Variants in DOCK4 observed in about 807,000 individuals in gnomAD.
DOCK4 encodes the protein dedicator of cytokinesis 4, also known as dedicator of cytokinesis protein 4.
In DOCK4, 97 loss-of-function variants were observed where a neutral mutation model predicts 268.1. The observed-to-expected ratio is 0.36, with a 90% confidence interval of 0.31 to 0.43. The LOEUF is 0.43. Among genes scored for constraint, DOCK4 ranks in the 20% least tolerant of loss-of-function variants. The pLI is 1.00. For missense variants in DOCK4, 2,145 were observed against 2,455.7 expected, an observed-to-expected ratio of 0.87 and a Z score of 2.67; for synonymous variants, 954 against 887.2, an observed-to-expected ratio of 1.08 and a Z score of -1.34.
At chr7:112,082,390 G>A (rs1046321191) in intron 1 of DOCK4, among the ~76,000 whole-genome samples, 3 of 152,090 alleles carry the variant, frequency 2.0e-5, no homozygotes, top group African/African-American at 7.2e-5. Context: ...TCACAGGAAA[G>A]CCAGAGAAAA....
rs564671787 is a variant in DOCK4, at chr7:111,905,679, A to ATGTG, written c.1193-3879_1193-3878insCACA. On this transcript the variant is annotated intron_variant, in intron 13 of 52. Coordinates refer to ENST00000428084, the MANE Select transcript of DOCK4 (RefSeq NM_001363540.2). ...CTTTATCTATTTTTTATATATATGC[A>ATGTG]TGTATGTGTGTGTGTGTGTGTGTGT... Among the ~76,000 whole-genome samples, 470 of 115,344 alleles carry ATGTG rather than the reference A, an allele frequency of 4.1e-3. 2 individuals carry two copies. Among genetic ancestry groups the ATGTG allele is most frequent in the African/African-American group, 0.018 (444 of 24,324 alleles). The allele number at this position is 115,344 out of a possible 152,430, so 75.7% of individuals were successfully genotyped here.
At chr7:112,095,302 C>G (rs754885936) in intron 1 of DOCK4, among the ~76,000 whole-genome samples, 4 of 151,940 alleles carry the variant, frequency 2.6e-5, no homozygotes, top group Non-Finnish European at 5.9e-5. Flanking sequence ...AAAATAAAAG[C>G]CTTAAGAGGG....
chr7:111,822,548 C>A, intron 26 of DOCK4, 92 bp from the exon 27 acceptor site: 1 of 1,112,082 alleles, frequency 9.0e-7, no homozygotes, highest in Non-Finnish European at 1.3e-6. Context: ...TGTACTGTTA[C>A]CATTTCCAAA....
chr7:111,970,605 T>C (rs554994449), intron 8 of DOCK4, among the ~76,000 whole-genome samples: 12 of 152,300 alleles, frequency 7.9e-5, no homozygotes, highest in Middle Eastern at 3.4e-3. Context: ...CTAAGAACAA[T>C]TGGCTCATGT....
intron 8 of DOCK4, among the ~76,000 whole-genome samples, chr7:111,951,871 A>T (rs768575830): frequency 6.6e-6 from 1 of 152,056 alleles, no homozygotes; most frequent in Admixed American, 6.5e-5. Flanking sequence ...TTGTCTCAAA[A>T]AAAAGAAAGA....
At chr7:112,007,004 T>C (rs1015294040) in intron 1 of DOCK4, among the ~76,000 whole-genome samples, 5 of 152,198 alleles carry the variant, frequency 3.3e-5, no homozygotes, top group Admixed American at 2.6e-4. Context: ...ATTTAGGGGG[T>C]TGCCTTCTTC....
At chr7:112,041,824 G>A (rs1038352144) in intron 1 of DOCK4, among the ~76,000 whole-genome samples, 2 of 152,164 alleles carry the variant, frequency 1.3e-5, no homozygotes, top group African/African-American at 4.8e-5. Context: ...GTGATTCTAT[G>A]GCAAAGAGAA....
rs546883112 is a variant in DOCK4 at position 111,756,839 on chromosome 7, G to A, written c.4330-1238C>T. Among the ~76,000 whole-genome samples the A allele has an allele frequency of 1.3e-4, 20 of 152,188 alleles. No homozygotes were observed. In the South Asian group the frequency reaches 1.7e-3, roughly 13 times the overall value. On this transcript the variant is annotated intron_variant, in intron 41 of 52. Transcript: ENST00000428084. ...GGCAGAGATCTTGTGACAAGAGCTCGCAGTGTTCTGGTGGTGACAGGGAGG... is the reference window on the plus strand; with the variant it reads ...GGCAGAGATCTTGTGACAAGAGCTCACAGTGTTCTGGTGGTGACAGGGAGG...
intron 42 of DOCK4, among the ~76,000 whole-genome samples, chr7:111,753,229 C>T (rs1796809284): frequency 6.6e-6 from 1 of 152,184 alleles, no homozygotes; most frequent in Non-Finnish European, 1.5e-5. Context: ...AATCCCAGCA[C>T]TTTGGGAGAC....
intron 1 of DOCK4, among the ~76,000 whole-genome samples, chr7:112,071,871 T>TA (rs1482976649): frequency 6.6e-6 from 1 of 152,166 alleles, no homozygotes; most frequent in Admixed American, 6.5e-5. Context: ...AAAGGAAGGG[T>TA]AAAGAATTAT....
At chr7:111,930,951 T>C (rs2134668871) in intron 12 of DOCK4, among the ~76,000 whole-genome samples, 1 of 152,334 alleles carries the variant, frequency 6.6e-6, no homozygotes, top group South Asian at 2.1e-4. Context: ...GCTTCCACTC[T>C]CTAGAGCAGA....
intron 17 of DOCK4, among the ~76,000 whole-genome samples, chr7:111,873,972 T>A (rs1009082566): frequency 6.6e-6 from 1 of 152,222 alleles, no homozygotes; most frequent in Non-Finnish European, 1.5e-5. Context: ...TCAGACATCC[T>A]GGGGTATGAC....
chr7:112,138,715 C>G, intron 1 of DOCK4, among the ~76,000 whole-genome samples: 1 of 152,142 alleles, frequency 6.6e-6, no homozygotes, highest in South Asian at 2.1e-4. Flanking sequence ...TTCCTAACCC[C>G]CAATGTGACA....
chr7:112,181,453 C>T (rs1369632236), intron 1 of DOCK4, among the ~76,000 whole-genome samples: 3 of 151,792 alleles, frequency 2.0e-5, no homozygotes, highest in South Asian at 2.1e-4. Flanking sequence ...CAGCACAGTT[C>T]GGGACCAGAC....
chr7:111,916,039 G>A, intron 12 of DOCK4, 135 bp from the exon 13 acceptor site: 1 of 866,372 alleles, frequency 1.2e-6, no homozygotes. Context: ...GAAATCGACA[G>A]AATCTATATG....
Position 111,746,405 on chromosome 7 carries a change from T to C in DOCK4, c.4606A>G (p.Lys1536Glu), listed in dbSNP as rs753890006. 3 of 1,609,878 alleles carry C rather than the reference T, an allele frequency of 1.9e-6. No homozygotes were observed. The highest frequency in any genetic ancestry group is 2.5e-6 in the Non-Finnish European group (3 of 1,177,538). Residue 1536 changes from lysine to glutamate, a missense_variant, in exon 44 of 53, where the codon AAA becomes GAA. Transcript: ENST00000428084. ...VSRYQEAFFV[K>E]EYILSHPEDG... ...TCAGGGTGACTTAAGATATATTCTT[T>C]GACAAAGAATGCCTAGTAAGGGAAA...
At chr7:111,937,698 A>T (rs1438276136) in intron 11 of DOCK4, among the ~76,000 whole-genome samples, 1 of 152,248 alleles carries the variant, frequency 6.6e-6, no homozygotes, top group South Asian at 2.1e-4. Context: ...TAACAGCAGC[A>T]TCATCACCTT....
intron 1 of DOCK4, among the ~76,000 whole-genome samples, chr7:112,046,386 A>C (rs1003082983): frequency 6.6e-6 from 1 of 152,228 alleles, no homozygotes; most frequent in African/African-American, 2.4e-5. Flanking sequence ...TCTTATGATA[A>C]AAGATACAGG....
intron 1 of DOCK4, among the ~76,000 whole-genome samples, chr7:112,044,525 T>A (rs148213008): frequency 6.6e-6 from 1 of 152,154 alleles, no homozygotes; most frequent in Admixed American, 6.5e-5. Flanking sequence ...CCAAAATTCA[T>A]CTCTTACTCT....
Sources: gnomAD v4.1 joint callset for allele counts (sites outside exome capture counted in the v4.1 genomes callset) on GRCh38, gnomAD v4.1.1 for gene constraint, MANE v1.5 for transcripts, NCBI Gene and HGNC (gene_info 2026-07-23, HGNC 2026-07-21) for gene names.